CLVS1: variants seen among roughly 807,000 people sequenced by gnomAD.
The protein encoded by CLVS1 is clavesin-1.
In CLVS1, 10 loss-of-function variants were observed where a neutral mutation model predicts 33.1. That is an observed-to-expected ratio of 0.30 (90% confidence interval 0.19 to 0.51). The LOEUF is 0.51. Among genes scored for constraint, CLVS1 ranks in the 20% least tolerant of loss-of-function variants. The pLI is 0.97. For synonymous variants in CLVS1, 163 were observed against 166.1 expected, an observed-to-expected ratio of 0.98 and a Z score of 0.14; for missense variants, 343 against 433.4, an observed-to-expected ratio of 0.79 and a Z score of 1.85.
At chr8:61,153,752 GCTGCCATCTGTCC>G (rs1349593680) in intron 2 of CLVS1, among the ~76,000 whole-genome samples, 23 of 152,142 alleles carry the variant, frequency 1.5e-4, no homozygotes, top group Admixed American at 1.4e-3. Flanking sequence ...TACAGTGTTC[GCTGCCATCTGTCC>G]CTGCAAAATG....
At chr8:61,022,118 C>A in the CLVS1 span, among the ~76,000 whole-genome samples, 1 of 152,216 alleles carries the variant, frequency 6.6e-6, no homozygotes, top group African/African-American at 2.4e-5. Flanking sequence ...CACATTCACA[C>A]GCACACACAC....
chr8:61,101,383 T>A (rs754187050), intron 1 of CLVS1, among the ~76,000 whole-genome samples: 1 of 152,186 alleles, frequency 6.6e-6, no homozygotes, highest in Admixed American at 6.5e-5. Context: ...TCTGTATAGA[T>A]GTTTGTATGT....
intron 5 of CLVS1, among the ~76,000 whole-genome samples, chr8:61,476,329 T>G (rs1817930232): frequency 6.6e-6 from 1 of 152,234 alleles, no homozygotes; most frequent in East Asian, 1.9e-4. Context: ...TCCAATTCTG[T>G]GAAGAAAGTC....
chr8:61,130,753 C>T lies in CLVS1; in HGVS notation c.-242-1017C>T, dbSNP rs564385370. Among the ~76,000 whole-genome samples the T allele has an allele frequency of 2.2e-3, 330 of 152,156 alleles. 1 individual carries two copies. The highest frequency in any genetic ancestry group is 7.7e-3 in the African/African-American group (320 of 41,494). ...TTTGAAATGTACAGATGATAGTAAC[C>T]CCACACCCCTCTACTGTTGGTGGAA... On this transcript the variant is annotated intron_variant, in intron 1 of 2. Transcript: ENST00000522621.
intron 3 of CLVS1, among the ~76,000 whole-genome samples, chr8:61,415,011 A>T (rs1174726241): frequency 6.6e-6 from 1 of 152,256 alleles, no homozygotes; most frequent in Non-Finnish European, 1.5e-5. Flanking sequence ...AGGTTGGGAA[A>T]TGGGAATAGT....
At chr8:61,495,023 C>T (rs1234464094) in intron 5 of CLVS1, among the ~76,000 whole-genome samples, 1 of 152,158 alleles carries the variant, frequency 6.6e-6, no homozygotes, top group Admixed American at 6.6e-5. Context: ...TCAACCATGG[C>T]ACACAGTTTA....
At chr8:61,218,903 C>G (rs1238538565) in intron 2 of CLVS1, among the ~76,000 whole-genome samples, 1 of 152,092 alleles carries the variant, frequency 6.6e-6, no homozygotes, top group African/African-American at 2.4e-5. Context: ...GAGATCGTGC[C>G]ATTGCACTAC....
At chr8:61,212,902 T>C (rs1392651365) in intron 2 of CLVS1, among the ~76,000 whole-genome samples, 2 of 152,124 alleles carry the variant, frequency 1.3e-5, no homozygotes, top group African/African-American at 4.8e-5. Flanking sequence ...CATCATCCTC[T>C]GGCAGTGCCA....
At chr8:60,974,372 C>T in the CLVS1 span, among the ~76,000 whole-genome samples, 1 of 152,284 alleles carries the variant, frequency 6.6e-6, no homozygotes, top group East Asian at 1.9e-4. Flanking sequence ...GAGAACTTCC[C>T]AGATCTTTGG....
chr8:61,367,701 G>A (rs1038974270), intron 2 of CLVS1, among the ~76,000 whole-genome samples: 4 of 152,302 alleles, frequency 2.6e-5, no homozygotes, highest in Non-Finnish European at 5.9e-5. Context: ...TCCTACAGAT[G>A]AGGGAATGAA....
intron 3 of CLVS1, among the ~76,000 whole-genome samples, chr8:61,446,726 G>T (rs560162180): frequency 6.6e-6 from 1 of 152,092 alleles, no homozygotes; most frequent in South Asian, 2.1e-4. Context: ...ACATTAAGGA[G>T]TAAGTTTCAA....
chr8:61,269,943 A>G (rs1230403501), intron 2 of CLVS1, among the ~76,000 whole-genome samples: 61 of 143,002 alleles, frequency 4.3e-4, no homozygotes, highest in Non-Finnish European at 4.8e-4. Context: ...TAGATATACA[A>G]TCATGTCGTC....
intron 2 of CLVS1, among the ~76,000 whole-genome samples, chr8:61,349,951 A>G (rs957088251): frequency 2.0e-5 from 3 of 152,128 alleles, no homozygotes; most frequent in African/African-American, 7.2e-5. Flanking sequence ...TGTCTTTGCC[A>G]TGTAAGAATT....
the CLVS1 span, among the ~76,000 whole-genome samples, chr8:61,034,394 T>C: frequency 2.0e-4 from 31 of 152,088 alleles, no homozygotes; most frequent in African/African-American, 7.2e-4. Flanking sequence ...GTGCAAACTT[T>C]GAAATTTACT....
In CLVS1 at chr8:61,438,784, C is replaced by T. The variant is rs567402688; in HGVS notation, c.631-15357C>T. ...CATTCTAAGTAAAGTTATGTTTCCT[C>T]GCCTGTAAAATGGGATAATATAGAT... On this transcript the variant is annotated intron_variant, in intron 3 of 5. Coordinates refer to ENST00000325897, the MANE Select transcript of CLVS1 (RefSeq NM_173519.3). Among the ~76,000 whole-genome samples the T allele has an allele frequency of 7.2e-5, 11 of 152,152 alleles. No homozygotes were observed. The East Asian group carries it at 1.7e-3, about 24-fold the overall frequency.
intron 3 of CLVS1, among the ~76,000 whole-genome samples, chr8:61,424,686 T>A (rs1470070290): frequency 6.6e-6 from 1 of 152,168 alleles, no homozygotes; most frequent in Non-Finnish European, 1.5e-5. Context: ...AGTTACTCTA[T>A]CTTTTTGTCT....
intron 5 of CLVS1, among the ~76,000 whole-genome samples, chr8:61,467,378 C>G (rs766000253): frequency 6.6e-6 from 1 of 152,156 alleles, no homozygotes; most frequent in East Asian, 1.9e-4. Flanking sequence ...TAACAATGGA[C>G]CTGATGATCT....
chr8:61,228,907 T>A (rs948547114), intron 2 of CLVS1, among the ~76,000 whole-genome samples: 2 of 152,200 alleles, frequency 1.3e-5, no homozygotes. Flanking sequence ...CGGATATATA[T>A]ATATCCAGCA....
rs1259517199 is a variant in CLVS1, at chr8:61,232,022, GGTTTTTTT to G, written c.-151-67654_-151-67647del. 2.0e-4 allele frequency among the ~76,000 whole-genome samples: 24 copies of G among 117,074 alleles called. No individual in the cohort carries two copies. The South Asian group carries it at 3.7e-3, about 18-fold the overall frequency. 76.8% of individuals were successfully genotyped at this position (117,074 alleles called of 152,430 possible). A position where few individuals can be genotyped will look rare whatever the true frequency, so the allele number is the denominator to read the frequency against. ...GAGAAGGAGCCCTGAGGAAAGTTGT[GGTTTTTTT>G]TTTTTTTTTTTTTTTTTTTTGTGAG... On this transcript the variant is annotated intron_variant, in intron 2 of 2. Coordinates refer to the CLVS1 transcript ENST00000522621.
Sources: allele counts gnomAD v4.1 joint callset (sites outside exome capture counted in the v4.1 genomes callset), GRCh38; gene constraint gnomAD v4.1.1; transcripts MANE v1.5; gene names NCBI Gene and HGNC (gene_info 2026-07-23, HGNC 2026-07-21).